SPATA20: variants seen among roughly 807,000 people sequenced by gnomAD.
SPATA20 encodes the protein spermatogenesis associated 20.
In SPATA20, 74 loss-of-function variants were observed where a neutral mutation model predicts 98.9. The observed-to-expected ratio is 0.75, with a 90% CI of 0.62 to 0.91. The LOEUF is 0.91. Ranked by LOEUF, SPATA20 falls within the 40% of genes least tolerant of loss-of-function variation. SPATA20 has a pLI of 0.00. For synonymous variants in SPATA20, 430 were observed against 440.5 expected (o/e 0.98, Z 0.30); for missense variants, 1,016 against 1,069.8 (o/e 0.95, Z 0.70).
rs8082568 is a variant in SPATA20, at chr17:50,551,951, G to C, written c.1746-18G>C. On this transcript the variant is annotated intron_variant, in intron 13 of 16. Coordinates refer to ENST00000006658, the MANE Select transcript of SPATA20 (RefSeq NM_022827.4). ...CCTGGGGCTCTCCCCAGCCCCTCCCGTAATGCCTGTCCCCCAGCAACCCAC... is the reference window on the plus strand; with the variant it reads ...CCTGGGGCTCTCCCCAGCCCCTCCCCTAATGCCTGTCCCCCAGCAACCCAC... The C allele has an allele frequency of 0.28, 442,612 of 1,560,088 alleles. 72,520 individuals carry two copies. The highest frequency in any genetic ancestry group is 0.71 in the African/African-American group (52,182 of 73,738).
intron 12 of SPATA20, 54 bp downstream of exon 12, chr17:50,551,244 C>A (rs1321989013): frequency 2.0e-6 from 3 of 1,494,492 alleles, no homozygotes; most frequent in East Asian, 2.3e-5. Context: ...CTTCACAAAG[C>A]CCCTGTCTTT....
intron 3 of SPATA20, 35 bp downstream of exon 3, chr17:50,548,488 C>T: frequency 6.2e-7 from 1 of 1,613,470 alleles, no homozygotes; most frequent in Non-Finnish European, 8.5e-7. Flanking sequence ...CCTGGAATCG[C>T]TGGGGTCCTG....
Position 50,551,517 on chromosome 17 carries a change from T to C in SPATA20, c.1583T>C (p.Met528Thr). The change falls in exon 13 of 17, where the codon ATG becomes ACG. Residue 528 changes from methionine to threonine, a missense_variant. Met to Thr is a moderately conservative substitution (Grantham distance 81, BLOSUM62 -1). Transcript: ENST00000006658. ...SKMLAAWNGL[M>T]VSGYAVTGAV... ...TTGTCTCTCCTGGCTCCAGGCTTGA[T>C]GGTGTCAGGCTATGCTGTGACTGGG... is the stretch of plus-strand genomic sequence containing the variant. 2 of 1,590,514 alleles carry C rather than the reference T, an allele frequency of 1.3e-6. No individual in the cohort carries two copies. Among genetic ancestry groups the C allele is most frequent in the Admixed American group, 1.7e-5 (1 of 59,622 alleles).
Position 50,549,178 on chromosome 17 carries a change from C to A in SPATA20, c.652C>A (p.Arg218=). The change falls in exon 6 of 17, where the codon CGA becomes AGA. Residue 218 remains arginine, a synonymous_variant. Coordinates refer to ENST00000006658, the MANE Select transcript of SPATA20 (RefSeq NM_022827.4). ...CTTCCGCACAGTGTTGCTGAGAATA[C>A]GAGAACAGGTGGGTGTGCCTCCGGG... ...VGFRTVLLRI[R]EQWKQNKNTL... is the part of the protein sequence containing the mutation. 6.3e-7 allele frequency: 1 copy of A among 1,596,120 alleles called. No individual in the cohort carries two copies. Among genetic ancestry groups the A allele is most frequent in the Non-Finnish European group, 8.6e-7 (1 of 1,168,246 alleles).
chr17:50,551,042 G>A lies in SPATA20; in HGVS notation c.1428G>A (p.Arg476=). ...ELQGQNVLTV[R]YSLELTAARF... ...AGGGCCAGAATGTGCTGACCGTCCG[G>A]TACTCGCTGGAGCTGACTGCTGCCC... Residue 476 remains arginine, a synonymous_variant, in exon 12 of 17, where the codon CGG becomes CGA. Transcript: ENST00000006658. The A allele has an allele frequency of 6.2e-7, 1 of 1,613,442 alleles. No homozygotes were observed. Among genetic ancestry groups the A allele is most frequent in the Middle Eastern group, 1.6e-4 (1 of 6,062 alleles).
intron 2 of SPATA20, 82 bp downstream of exon 2, chr17:50,547,849 T>G (rs2034939043): frequency 1.0e-6 from 1 of 964,044 alleles, no homozygotes; most frequent in African/African-American, 1.6e-5. Flanking sequence ...CCTACTGATC[T>G]TGGCCTGTCC....
chr17:50,548,770 C>A, intron 4 of SPATA20, 40 bp from the exon 5 acceptor site: 1 of 1,598,110 alleles, frequency 6.3e-7, no homozygotes, highest in Non-Finnish European at 8.5e-7. Context: ...CCCTCTGACC[C>A]GTTGCTGGCC....
chr17:50,550,954 C>T (rs2035003479), intron 11 of SPATA20, 37 bp downstream of exon 11: 2 of 1,611,578 alleles, frequency 1.2e-6, no homozygotes, highest in African/African-American at 2.7e-5. Context: ...GGCCCTGGTG[C>T]CTGCCAGGCG....
Position 50,555,670 on chromosome 17 carries a change from AAC to A in SPATA20, c.*9_*10del. On this transcript the variant is annotated 3_prime_UTR_variant, in exon 17 of 17. Coordinates refer to ENST00000006658, the MANE Select transcript of SPATA20 (RefSeq NM_022827.4). ...AAACTACTACATCCATGACTGCCCC[AAC>A]CCCCTTGGGGTGGGGCAGAAGGTGA... The A allele has an allele frequency of 6.2e-7, 1 of 1,612,692 alleles. No homozygotes were observed. Among genetic ancestry groups the A allele is most frequent in the Non-Finnish European group, 8.5e-7 (1 of 1,179,416 alleles).
chr17:50,548,284 G>T lies in SPATA20; in HGVS notation c.127G>T (p.Gly43Cys), dbSNP rs2034947668. ...GCCTGATGCACCAGTCCTCGCCAGG[G>T]GTAGCTCCTCCCGGGACAAGGACCG... is the stretch of plus-strand genomic sequence containing the variant. ...RTWPHRSPSR[G>C]SSSRDKDRSA... Residue 43 changes from glycine to cysteine, a missense_variant and splice_region_variant, in exon 3 of 17, where the codon GGT (glycine) becomes TGT (cysteine). Coordinates refer to ENST00000006658, the MANE Select transcript of SPATA20 (RefSeq NM_022827.4). 6 of 1,613,030 alleles carry T rather than the reference G, an allele frequency of 3.7e-6. No homozygotes were observed. Among genetic ancestry groups the T allele is most frequent in the African/African-American group, 1.3e-5 (1 of 74,872 alleles).
Position 50,550,526 on chromosome 17 carries a change from C to T in SPATA20, c.1099-10C>T. 6.2e-7 allele frequency: 1 copy of T among 1,613,650 alleles called. No homozygotes were observed. Among genetic ancestry groups the T allele is most frequent in the African/African-American group, 1.3e-5 (1 of 75,038 alleles). ...TCTCTGTTCACAGTCTCCTTTCTTC[C>T]CTTTCTTAGCTCTCTGGTGATGAAT... On this transcript the variant is annotated splice_polypyrimidine_tract_variant and intron_variant, in intron 9 of 16. Transcript: ENST00000006658.
intron 5 of SPATA20, 27 bp from the exon 6 acceptor site, chr17:50,549,016 C>T: frequency 1.2e-6 from 2 of 1,613,894 alleles, no homozygotes; most frequent in Non-Finnish European, 1.7e-6. Context: ...AGAGCAGCTC[C>T]CCTCACCCTC....
At position 50,547,180 on chromosome 17, in the gene SPATA20, A is replaced by T; in HGVS notation, c.-29A>T. On this transcript the variant is annotated 5_prime_UTR_variant, in exon 1 of 17. Transcript: ENST00000006658. ...CCTCCTGACTTCCCTTCCTGTCCTCAGCGGCCGGGCCCACGGCCCCGAGCA... is the reference window on the plus strand; with the variant it reads ...CCTCCTGACTTCCCTTCCTGTCCTCTGCGGCCGGGCCCACGGCCCCGAGCA... 1 of 1,413,422 alleles carries T rather than the reference A, an allele frequency of 7.1e-7. No individual in the cohort carries two copies. Among genetic ancestry groups the T allele is most frequent in the East Asian group, 3.0e-5 (1 of 32,918 alleles). The allele number at this position is 1,413,422 out of a possible 1,614,324, so 87.6% of individuals were successfully genotyped here.
Position 50,549,185 on chromosome 17 carries a change from A to G in SPATA20, c.659A>G (p.Gln220Arg), listed in dbSNP as rs1208564547. 2 of 1,594,638 alleles carry G rather than the reference A, an allele frequency of 1.3e-6. No individual in the cohort carries two copies. Among genetic ancestry groups the G allele is most frequent in the Non-Finnish European group, 8.6e-7 (1 of 1,167,038 alleles). Reference protein sequence around the residue: ...FRTVLLRIREQWKQNKNTLLE... With the variant: ...FRTVLLRIRERWKQNKNTLLE... ...ACAGTGTTGCTGAGAATACGAGAAC[A>G]GGTGGGTGTGCCTCCGGGAGTTGGG... The change falls in exon 6 of 17, where the codon CAG becomes CGG. Residue 220 changes from glutamine to arginine, a missense_variant and splice_region_variant. Gln to Arg is a conservative substitution (Grantham distance 43). Coordinates refer to ENST00000006658, the MANE Select transcript of SPATA20 (RefSeq NM_022827.4).
chr17:50,548,252 C>A, intron 2 of SPATA20, 31 bp from the exon 3 acceptor site: 5 of 1,607,524 alleles, frequency 3.1e-6, no homozygotes, highest in Admixed American at 1.7e-5. Flanking sequence ...GTGGAGGCCC[C>A]TGGCTTGCCT....
intron 15 of SPATA20, among the ~76,000 whole-genome samples, chr17:50,554,930 A>G (rs1180092657): frequency 1.1e-5 from 1 of 92,682 alleles, no homozygotes; most frequent in East Asian, 2.9e-4. Flanking sequence ...TGTGTGTGTG[A>G]CTACTCTGTG....
intron 2 of SPATA20, chr17:50,548,051 G>C (rs762437587): frequency 1.3e-6 from 2 of 1,490,308 alleles, no homozygotes; most frequent in South Asian, 2.7e-5. Context: ...AGGCCCAGGA[G>C]GTTGGGGGAG....
chr17:50,553,493 G>T lies in SPATA20; in HGVS notation c.1958-758G>T, dbSNP rs139774422. 9.0e-3 allele frequency among the ~76,000 whole-genome samples: 1,374 copies of T among 152,270 alleles called. 16 individuals carry two copies. The highest frequency in any genetic ancestry group is 0.031 in the African/African-American group (1,304 of 41,548). On this transcript the variant is annotated intron_variant, in intron 14 of 16. Coordinates refer to ENST00000006658, the MANE Select transcript of SPATA20 (RefSeq NM_022827.4). The stretch of plus-strand genomic sequence containing the variant: ...AGGCAGCCTGTATCCTGGAGGACAG[G>T]CAGGGCCCGCGTGTTCCAGGAGGGC...
At position 50,551,698 on chromosome 17, in the gene SPATA20, C is replaced by T. The variant is rs375707140; in HGVS notation, c.1745+19C>T. 12 of 1,578,848 alleles carry T rather than the reference C, an allele frequency of 7.6e-6. No individual in the cohort carries two copies. Among genetic ancestry groups the T allele is most frequent in the African/African-American group, 4.0e-5 (3 of 74,386 alleles). On this transcript the variant is annotated intron_variant, in intron 13 of 16. Transcript: ENST00000006658. ...AGCACAGGTTGGGGGCTGGGTAGACCGGGAGGGCCCGTCTCCCCAACGCGT... is the reference window on the plus strand; with the variant it reads ...AGCACAGGTTGGGGGCTGGGTAGACTGGGAGGGCCCGTCTCCCCAACGCGT...
Sources: allele counts gnomAD v4.1 joint callset (sites outside exome capture counted in the v4.1 genomes callset), GRCh38; gene constraint gnomAD v4.1.1; transcripts MANE v1.5; gene names NCBI Gene and HGNC (gene_info 2026-07-23, HGNC 2026-07-21).